BZW2: variants seen among roughly 807,000 people sequenced by gnomAD.
The protein encoded by BZW2 is basic leucine zipper and W2 domains 2, also known as eIF5-mimic protein 1.
Under a neutral mutation model 53.2 loss-of-function variants are expected in BZW2, and 23 were observed. The observed-to-expected ratio is 0.43, with a 90% CI of 0.31 to 0.61. BZW2 has a LOEUF of 0.61. BZW2 is among the 20% of genes least tolerant of loss of function. The pLI is 0.09. For missense variants in BZW2, 409 were observed against 503.1 expected, an observed-to-expected ratio of 0.81 and a Z score of 1.79; for synonymous variants, 227 against 186.4, an observed-to-expected ratio of 1.22 and a Z score of -1.77.
intron 7 of BZW2, among the ~76,000 whole-genome samples, chr7:16,692,450 T>A (rs1457374519): frequency 6.6e-6 from 1 of 151,984 alleles, no homozygotes; most frequent in South Asian, 2.1e-4. Flanking sequence ...CCGTAAAATA[T>A]GTATTATAAT....
intron 5 of BZW2, among the ~76,000 whole-genome samples, chr7:16,684,265 C>CTT: frequency 6.6e-6 from 1 of 152,166 alleles, no homozygotes; most frequent in East Asian, 1.9e-4. Flanking sequence ...TACTTAATAT[C>CTT]TTTGTACCTT....
At chr7:16,705,583 G>A (rs1178945842) in intron 11 of BZW2, among the ~76,000 whole-genome samples, 1 of 150,510 alleles carries the variant, frequency 6.6e-6, no homozygotes, top group Non-Finnish European at 1.5e-5. Flanking sequence ...TACTCGGGAG[G>A]CTGAGGCAGG....
intron 1 of BZW2, among the ~76,000 whole-genome samples, chr7:16,656,553 GCGCACACACACACACA>G (rs200526649): frequency 0.046 from 5,461 of 119,876 alleles, 287 homozygotes; most frequent in East Asian, 0.26. Context: ...CAGCGCGCGC[GCGCACACACACACACA>G]CACACACACA....
intron 6 of BZW2, among the ~76,000 whole-genome samples, chr7:16,688,943 T>C (rs1223954183): frequency 6.6e-6 from 1 of 152,150 alleles, no homozygotes; most frequent in Admixed American, 6.5e-5. Flanking sequence ...ATGCTTTTTA[T>C]GGCTGCGTGC....
rs1270785345 is a variant in BZW2, at chr7:16,684,399, AC to A, written c.406-1505del. Among the ~76,000 whole-genome samples the A allele has an allele frequency of 5.3e-5, 8 of 152,360 alleles. No individual in the cohort carries two copies. In the South Asian group the frequency reaches 6.2e-4, roughly 12 times the overall value. On this transcript the variant is annotated intron_variant, in intron 5 of 11. Coordinates refer to ENST00000258761, the MANE Select transcript of BZW2 (RefSeq NM_014038.3). ...TCATTAGCATATAATGCAGTAAAAA[AC>A]AATATGTGTGTATACATGTAATTAT...
At chr7:16,651,645 C>T (rs984154320) in intron 1 of BZW2, among the ~76,000 whole-genome samples, 5 of 152,114 alleles carry the variant, frequency 3.3e-5, no homozygotes, top group Non-Finnish European at 7.3e-5. Flanking sequence ...TAGAGTTGAG[C>T]TTCTGCAGGA....
chr7:16,679,278 A>T (rs891648446), intron 3 of BZW2, among the ~76,000 whole-genome samples: 2 of 152,260 alleles, frequency 1.3e-5, no homozygotes, highest in African/African-American at 4.8e-5. Context: ...TTAAGAAATT[A>T]TAAAAGTATT....
intron 10 of BZW2, 142 bp from the exon 11 acceptor site, chr7:16,704,405 T>G: frequency 1.2e-6 from 1 of 859,050 alleles, no homozygotes; most frequent in Non-Finnish European, 1.7e-6. Flanking sequence ...TACATGAAAA[T>G]CAACTTGGTT....
intron 1 of BZW2, among the ~76,000 whole-genome samples, chr7:16,664,985 G>A (rs1782378464): frequency 6.6e-6 from 1 of 152,042 alleles, no homozygotes. Context: ...TAAAATTTTT[G>A]CTAGTCCAAG....
chr7:16,656,343 A>G (rs190297194), intron 1 of BZW2, among the ~76,000 whole-genome samples: 1 of 152,112 alleles, frequency 6.6e-6, no homozygotes, highest in Admixed American at 6.5e-5. Flanking sequence ...TTAGCTATTC[A>G]GGTCATGTGT....
In BZW2 at chr7:16,698,068, C is replaced by T. The variant is rs373283505; in HGVS notation, c.990C>T (p.Ala330=). 1.7e-5 allele frequency: 28 copies of T among 1,613,994 alleles called. No individual in the cohort carries two copies. The highest frequency in any genetic ancestry group is 3.3e-5 in the Admixed American group (2 of 59,994). The change falls in exon 10 of 12, where the codon GCC becomes GCT. Residue 330 remains alanine (A), a synonymous_variant. Coordinates refer to ENST00000258761, the MANE Select transcript of BZW2 (RefSeq NM_014038.3). ...KHLKQYAPLL[A]VFSSQGQSEL... is the part of the protein sequence containing the mutation. ...TCTAGCAATATGCTCCCCTGCTGGC[C>T]GTGTTCAGCTCCCAAGGCCAGTCAG...
Position 16,706,146 on chromosome 7 carries a change from T to C in BZW2, c.*58T>C. 6.4e-7 allele frequency: 1 copy of C among 1,566,224 alleles called. No homozygotes were observed. Among genetic ancestry groups the C allele is most frequent in the Non-Finnish European group, 8.7e-7 (1 of 1,145,656 alleles). On this transcript the variant is annotated 3_prime_UTR_variant, in exon 12 of 12. Coordinates refer to ENST00000258761, the MANE Select transcript of BZW2 (RefSeq NM_014038.3). ...CACACCACTTTTTGATTGGGAATGC[T>C]GAACCATTTGAGAAGAGAAACTTGG...
rs368444886 is a variant in BZW2 at position 16,694,823 on chromosome 7, C to G, written c.652-11C>G. The G allele has an allele frequency of 6.7e-7, 1 of 1,497,842 alleles. No individual in the cohort carries two copies. Among genetic ancestry groups the G allele is most frequent in the South Asian group, 1.3e-5 (1 of 74,680 alleles). The allele number at this position is 1,497,842 out of a possible 1,614,324, so 92.8% of individuals were successfully genotyped here. ...GGCTTGTTTTATAGCAGTCTTTTTT[C>G]CCTTTTTCAGGAACTCTTTCCAGTT... On this transcript the variant is annotated splice_polypyrimidine_tract_variant and intron_variant, in intron 7 of 11. Transcript: ENST00000258761.
intron 7 of BZW2, 114 bp from the exon 8 acceptor site, chr7:16,694,720 T>G (rs1194479396): frequency 8.8e-5 from 79 of 898,022 alleles, no homozygotes; most frequent in Non-Finnish European, 1.2e-4. Flanking sequence ...TAAAACAGTC[T>G]TTATTCTTTT....
chr7:16,676,805 C>T (rs1476441146), intron 3 of BZW2, among the ~76,000 whole-genome samples: 3 of 152,126 alleles, frequency 2.0e-5, no homozygotes, highest in Non-Finnish European at 4.4e-5. Context: ...TATATGGACC[C>T]TTTTCAGACT....
At chr7:16,686,298 A>C (rs1783123751) in intron 6 of BZW2, 91 of 401,794 alleles carry the variant, frequency 2.3e-4, no homozygotes, top group Middle Eastern at 8.1e-4. Flanking sequence ...TTAAAATCTC[A>C]TGGAAGACTT....
intron 3 of BZW2, among the ~76,000 whole-genome samples, chr7:16,681,019 G>A (rs1464561344): frequency 6.6e-6 from 1 of 152,074 alleles, no homozygotes; most frequent in Non-Finnish European, 1.5e-5. Context: ...CAGGAGAATC[G>A]CTTGAACCGG....
At chr7:16,656,920 T>G (rs1782139223) in intron 1 of BZW2, among the ~76,000 whole-genome samples, 2 of 152,212 alleles carry the variant, frequency 1.3e-5, no homozygotes, top group Admixed American at 1.3e-4. Context: ...TATGTTGTTT[T>G]GATCTAGCTT....
intron 3 of BZW2, among the ~76,000 whole-genome samples, chr7:16,677,376 C>A (rs1166785329): frequency 6.6e-6 from 1 of 152,140 alleles, no homozygotes; most frequent in Non-Finnish European, 1.5e-5. Flanking sequence ...CTAGGAAATC[C>A]AGCTAGTCCT....
Sources: gnomAD v4.1 joint callset for allele counts (sites outside exome capture counted in the v4.1 genomes callset) on GRCh38, gnomAD v4.1.1 for gene constraint, MANE v1.5 for transcripts, NCBI Gene and HGNC (gene_info 2026-07-23, HGNC 2026-07-21) for gene names.